Variants in ZKSCAN7 observed in about 807,000 individuals in gnomAD.
ZKSCAN7 encodes zinc finger protein with KRAB and SCAN domains 7.
A neutral mutation model predicts 65.3 loss-of-function variants in ZKSCAN7; 38 were observed. The observed-to-expected ratio is 0.58, with a 90% CI of 0.45 to 0.76. The LOEUF (loss-of-function observed/expected upper bound fraction) is 0.76. Ranked by LOEUF, ZKSCAN7 falls within the 30% of genes least tolerant of loss-of-function variation. The pLI is 0.00. For missense variants in ZKSCAN7, 815 were observed against 913.3 expected (o/e 0.89, Z 1.39); for synonymous variants, 321 against 321.0 (o/e 1.00, Z 0.00).
At position 44,577,169 on chromosome 3, in the gene ZKSCAN7, T is replaced by C. The variant is rs371070853; in HGVS notation, c.812-5803T>C. ...TTTTATAGAGACAGGAGTCTTACTA[T>C]GTTGCCTAGAGTAGACTTGAACCCC... On this transcript the variant is annotated intron_variant, in intron 5 of 5. Transcript: ENST00000341840. 1.1e-4 allele frequency among the ~76,000 whole-genome samples: 16 copies of C among 152,286 alleles called. No individual in the cohort carries two copies. The East Asian group carries it at 2.7e-3, about 26-fold the overall frequency.
At chr3:44,574,233 T>G (rs1699880755), downstream of ZKSCAN7, among the ~76,000 whole-genome samples, 2 of 152,130 alleles carry the variant, frequency 1.3e-5, no homozygotes, top group South Asian at 4.1e-4. Context: ...CACTTCAGCC[T>G]CCCAAGTAGC....
chr3:44,574,238 A>G (rs937338519), downstream of ZKSCAN7, among the ~76,000 whole-genome samples: 36 of 152,056 alleles, frequency 2.4e-4, no homozygotes, highest in African/African-American at 8.5e-4. Context: ...CAGCCTCCCA[A>G]GTAGCTTGGA....
intron 2 of ZKSCAN7, among the ~76,000 whole-genome samples, chr3:44,563,067 ATGC>A (rs1206846756): frequency 1.3e-5 from 2 of 152,150 alleles, no homozygotes; most frequent in Non-Finnish European, 2.9e-5. Flanking sequence ...CAGGGGCAAA[ATGC>A]TGCTGGTCTC....
At chr3:44,578,414 G>C in intron 5 of ZKSCAN7, 1 of 1,614,080 alleles carries the variant, frequency 6.2e-7, no homozygotes, top group East Asian at 2.2e-5. Flanking sequence ...CCGCAACCGT[G>C]TGATCTCTGC....
downstream of ZKSCAN7, among the ~76,000 whole-genome samples, chr3:44,573,215 C>T (rs1465390677): frequency 6.6e-6 from 1 of 152,248 alleles, no homozygotes; most frequent in African/African-American, 2.4e-5. Flanking sequence ...CCCTTCCACC[C>T]TTGCAATATG....
Position 44,569,972 on chromosome 3 carries a change from T to G in ZKSCAN7, c.862T>G (p.Phe288Val). ...AGAGTTGACTCCAAAGCAGGAATTTTTTAAAGGATCAGAGTCATCTAACAG... is the reference window on the plus strand; with the variant it reads ...AGAGTTGACTCCAAAGCAGGAATTTGTTAAAGGATCAGAGTCATCTAACAG... ...GSELTPKQEF[F>V]KGSESSNRTS... The change falls in exon 6 of 6, where the codon TTT (phenylalanine) becomes GTT (valine). Residue 288 changes from phenylalanine (F) to valine (V), a missense_variant. By Grantham distance (50) the Phe-to-Val change is conservative. Around this residue, in one of 3 missense-constraint regions of ZKSCAN7, gnomAD observed 578 missense variants for 629.5 expected, o/e 0.92. Transcript: ENST00000426540. 1 of 1,575,346 alleles carries G rather than the reference T, an allele frequency of 6.3e-7. No homozygotes were observed. Among genetic ancestry groups the G allele is most frequent in the East Asian group, 2.2e-5 (1 of 44,568 alleles).
chr3:44,580,153 T>C, intron 5 of ZKSCAN7: 1 of 1,594,494 alleles, frequency 6.3e-7, no homozygotes, highest in African/African-American at 1.3e-5. Context: ...TGGTTGGGGG[T>C]GCTGGGGCTG....
At chr3:44,565,731 C>T (rs1161750631) in intron 3 of ZKSCAN7, 76 bp downstream of exon 3, 3 of 1,375,784 alleles carry the variant, frequency 2.2e-6, no homozygotes, top group Non-Finnish European at 2.9e-6. Flanking sequence ...TTTATCTGCC[C>T]ATCTCCTACT....
In ZKSCAN7 at chr3:44,557,264, A is replaced by G. The variant is rs1307011607; in HGVS notation, c.217A>G (p.Ser73Gly). The G allele has an allele frequency of 6.2e-7, 1 of 1,614,136 alleles. No individual in the cohort carries two copies. Among genetic ancestry groups the G allele is most frequent in the African/African-American group, 1.3e-5 (1 of 74,950 alleles). The change falls in exon 2 of 6, where the codon AGC becomes GGC. Residue 73 changes from serine (S) to glycine (G), a missense_variant. Physicochemically the swap from Ser to Gly is moderately conservative, Grantham distance 56 (BLOSUM62 0). This residue lies in a region of ZKSCAN7 where 227 missense variants were observed against 253.3 expected (regional missense o/e 0.90). Transcript: ENST00000426540. ...GATGTCTGGGCCGCAGGAAGCATTG[A>G]GCCGGCTTCGGGAGCTCTGCCGCTG... ...HEMSGPQEAL[S>G]RLRELCRWWL...
intron 5 of ZKSCAN7, 174 bp downstream of exon 5, chr3:44,568,607 A>T: frequency 3.3e-6 from 3 of 907,240 alleles, no homozygotes; most frequent in Non-Finnish European, 3.2e-6. Flanking sequence ...TGATCAGCAT[A>T]CTCTTCACCT....
downstream of ZKSCAN7, among the ~76,000 whole-genome samples, chr3:44,572,762 A>G (rs2125728027): frequency 6.7e-6 from 1 of 150,202 alleles, no homozygotes; most frequent in Non-Finnish European, 1.5e-5. Context: ...AGGCAGGAGA[A>G]TGGCATGATC....
chr3:44,580,375 G>C, intron 5 of ZKSCAN7: 1 of 1,606,906 alleles, frequency 6.2e-7, no homozygotes, highest in Non-Finnish European at 8.5e-7. Flanking sequence ...CTCTGAGCTG[G>C]ACTCAGACTG....
Position 44,570,671 on chromosome 3 carries a change from A to G in ZKSCAN7, c.1561A>G (p.Lys521Glu), listed in dbSNP as rs147536772. 3 of 1,614,020 alleles carry G rather than the reference A, an allele frequency of 1.9e-6. No homozygotes were observed. In the African/African-American group the frequency reaches 4.0e-5, roughly 22 times the overall value. The change falls in exon 6 of 6, where the codon AAA becomes GAA. Residue 521 changes from lysine (K) to glutamate (E), a missense_variant. Physicochemically the swap from Lys to Glu is moderately conservative, Grantham distance 56. Transcript: ENST00000426540. ...ARHQVLHTGKKPYKCNECGRA... is the reference protein window; with the variant it reads ...ARHQVLHTGKEPYKCNECGRA... Reference sequence around the variant, plus strand: ...ACATCAGGTCCTGCACACTGGTAAGAAACCTTACAAATGCAATGAGTGTGG... The same window carrying G: ...ACATCAGGTCCTGCACACTGGTAAGGAACCTTACAAATGCAATGAGTGTGG...
In ZKSCAN7 at chr3:44,577,862, T is replaced by G. The variant is rs138379087; in HGVS notation, c.812-5110T>G. Reference sequence around the variant, plus strand: ...CAAAGGTACAGGTGAAAAGCAGCGCTCGGGGTGTGCTGCTGCAAGCTGGGG... The same window carrying G: ...CAAAGGTACAGGTGAAAAGCAGCGCGCGGGGTGTGCTGCTGCAAGCTGGGG... On this transcript the variant is annotated intron_variant, in intron 5 of 5. Coordinates refer to the ZKSCAN7 transcript ENST00000341840. Among the ~76,000 whole-genome samples, 730 of 152,164 alleles carry G rather than the reference T, an allele frequency of 4.8e-3. 10 individuals are homozygous for G. Among genetic ancestry groups the G allele is most frequent in the African/African-American group, 0.017 (693 of 41,504 alleles).
At chr3:44,566,444 C>A (rs1360789135) in intron 3 of ZKSCAN7, among the ~76,000 whole-genome samples, 2 of 151,886 alleles carry the variant, frequency 1.3e-5, no homozygotes, top group Non-Finnish European at 2.9e-5. Context: ...GTGATTAATG[C>A]CTGAAGTGCA....
At chr3:44,580,725 T>C in intron 5 of ZKSCAN7, 1 of 1,613,874 alleles carries the variant, frequency 6.2e-7, no homozygotes, top group Middle Eastern at 1.6e-4. Flanking sequence ...TGTGCACTGG[T>C]TCATGTTGAT....
rs1281889403 is a variant in ZKSCAN7, at chr3:44,568,347, A to G, written c.725A>G (p.Gln242Arg). The change falls in exon 5 of 6, where the codon CAG becomes CGG. Residue 242 changes from glutamine (Q) to arginine (R), a missense_variant. By Grantham distance (43) the Gln-to-Arg change is conservative. Transcript: ENST00000426540. Reference sequence around the variant, plus strand: ...GAGGACCTATCTGTAGACTACACTCAGAAGAAATGGAAAAGTCTCACACTC... The same window carrying G: ...GAGGACCTATCTGTAGACTACACTCGGAAGAAATGGAAAAGTCTCACACTC... The part of the protein sequence containing the change: ...AYEDLSVDYT[Q>R]KKWKSLTLSQ... 6.2e-7 allele frequency: 1 copy of G among 1,614,162 alleles called. No individual in the cohort carries two copies. Among genetic ancestry groups the G allele is most frequent in the Non-Finnish European group, 8.5e-7 (1 of 1,180,014 alleles).
At position 44,562,217 on chromosome 3, in the gene ZKSCAN7, G is replaced by A. The variant is rs186979823; in HGVS notation, c.424-3270G>A. 1.4e-4 allele frequency among the ~76,000 whole-genome samples: 22 copies of A among 152,340 alleles called. 1 individual carries two copies. The East Asian group carries it at 4.2e-3, about 29-fold the overall frequency. ...CAACATGTGAAAGCTGCCAGCTTGGGGCTTGCACCCTCTGAGGACACAGCC... is the reference window on the plus strand; with the variant it reads ...CAACATGTGAAAGCTGCCAGCTTGGAGCTTGCACCCTCTGAGGACACAGCC... On this transcript the variant is annotated intron_variant, in intron 2 of 5. Transcript: ENST00000426540.
downstream of ZKSCAN7, among the ~76,000 whole-genome samples, chr3:44,573,866 A>G (rs1250800671): frequency 6.6e-6 from 1 of 152,164 alleles, no homozygotes; most frequent in East Asian, 1.9e-4. Flanking sequence ...GTAGGGAAAA[A>G]AAGAGTAGAT....
Sources: gnomAD v4.1 joint callset for allele counts (sites outside exome capture counted in the v4.1 genomes callset) on GRCh38, gnomAD v4.1.1 for gene constraint, gnomAD v4.1.1 regional missense constraint, MANE v1.5 for transcripts, NCBI Gene and HGNC (gene_info 2026-07-23, HGNC 2026-07-21) for gene names.